CHERP: variants seen among roughly 807,000 people sequenced by gnomAD.
CHERP encodes the protein calcium homeostasis endoplasmic reticulum protein.
In CHERP, 8 loss-of-function variants were observed where a neutral mutation model predicts 113.8. The ratio of observed to expected loss-of-function variants is 0.07; its 90% confidence interval spans 0.04 to 0.13. CHERP has a LOEUF of 0.13. Among genes scored for constraint, CHERP ranks in the 10% least tolerant of loss-of-function variants. The pLI is 1.00. For missense variants in CHERP, 884 were observed against 1,298.2 expected (o/e 0.68, Z 4.90); for synonymous variants, 559 against 524.5 (o/e 1.07, Z -0.90).
chr19:16,519,284 C>G lies in CHERP; in HGVS notation c.2626G>C (p.Val876Leu). 6.2e-7 allele frequency: 1 copy of G among 1,614,044 alleles called. No individual in the cohort carries two copies. Among genetic ancestry groups the G allele is most frequent in the Non-Finnish European group, 8.5e-7 (1 of 1,180,042 alleles). ...TTATACTGGTCCCACTTATCCCGGA[C>G]GTCCCCGCCCTTGATGGGGTCCTGG... The part of the protein sequence containing the change: ...GIQDPIKGGD[V>L]RDKWDQYKGV... Residue 876 changes from valine (V) to leucine (L), a missense_variant, in exon 17 of 17, where the codon GTC (valine) becomes CTC (leucine). Val to Leu is a conservative substitution (Grantham distance 32). Coordinates refer to ENST00000546361, the MANE Select transcript of CHERP (RefSeq NM_006387.6). The surrounding 1 kb of genome is among the most constrained non-coding windows in gnomAD (Gnocchi z 6.0).
intron 1 of CHERP, 104 bp from the exon 2 acceptor site, chr19:16,542,147 G>A (rs543307786): frequency 3.5e-4 from 474 of 1,351,354 alleles, no homozygotes; most frequent in Middle Eastern, 2.4e-3. Context: ...ACCCCAAGGG[G>A]GTGGGCCCCG....
At chr19:16,522,124 C>G (rs2085621379) in intron 11 of CHERP, among the ~76,000 whole-genome samples, 1 of 152,202 alleles carries the variant, frequency 6.6e-6, no homozygotes. Context: ...TGCCTGGGCC[C>G]CCGCCCGCAG....
chr19:16,527,117 C>A (rs753014260), intron 9 of CHERP, among the ~76,000 whole-genome samples: 1 of 152,196 alleles, frequency 6.6e-6, no homozygotes, highest in Non-Finnish European at 1.5e-5. Flanking sequence ...CTAGCGGGCA[C>A]CCTCAGTGAG....
chr19:16,531,222 T>G (rs545851179), intron 5 of CHERP, among the ~76,000 whole-genome samples: 331 of 152,302 alleles, frequency 2.2e-3, no homozygotes, highest in Admixed American at 3.4e-3. Context: ...AGCCCCTGCC[T>G]GTGTATGATG....
Position 16,519,524 on chromosome 19 carries a change from C to G in CHERP, c.2557+97G>C. The G allele has an allele frequency of 1.5e-6, 2 of 1,297,960 alleles. No homozygotes were observed. The allele number at this position is 1,297,960 out of a possible 1,614,324, so 80.4% of individuals were successfully genotyped here. A position where few individuals can be genotyped will look rare whatever the true frequency, so the allele number is the denominator to read the frequency against. On this transcript the variant is annotated intron_variant, in intron 16 of 16. Coordinates refer to ENST00000546361, the MANE Select transcript of CHERP (RefSeq NM_006387.6). The surrounding 1 kb of genome is among the most constrained non-coding windows in gnomAD (Gnocchi z 6.0). ...GAGTCAGAACCGGCCTGACTCCATC[C>G]ATCCCCACATGCACTGAGGAAGAGA...
chr19:16,536,191 CT>C (rs2085740308), intron 2 of CHERP, among the ~76,000 whole-genome samples: 1 of 152,240 alleles, frequency 6.6e-6, no homozygotes, highest in African/African-American at 2.4e-5. Context: ...ACTCTCCTTG[CT>C]TCTCCAGCCC....
intron 8 of CHERP, among the ~76,000 whole-genome samples, chr19:16,529,388 C>A (rs980608639): frequency 2.0e-5 from 3 of 152,198 alleles, no homozygotes; most frequent in African/African-American, 7.2e-5. Flanking sequence ...GGGGAATGAT[C>A]TGGGTACCTT....
At chr19:16,542,139 C>A in intron 1 of CHERP, 96 bp from the exon 2 acceptor site, 1 of 1,404,530 alleles carries the variant, frequency 7.1e-7, no homozygotes, top group Non-Finnish European at 9.5e-7. Context: ...TGCCGGGGAC[C>A]CCAAGGGGGT....
Position 16,532,615 on chromosome 19 carries a change from A to G in CHERP, c.657T>C (p.Asn219=), listed in dbSNP as rs539114352. The G allele has an allele frequency of 3.1e-5, 50 of 1,607,868 alleles. No homozygotes were observed. In the African/African-American group the frequency reaches 3.6e-4, roughly 12 times the overall value. Residue 219 remains asparagine (N), a synonymous_variant, in exon 5 of 17, where the codon AAT becomes AAC. Coordinates refer to ENST00000546361, the MANE Select transcript of CHERP (RefSeq NM_006387.6). This position sits in a 1 kb window ranked among gnomAD's most constrained non-coding sequence, Gnocchi z 4.4. The part of the protein sequence containing the change: ...ELRLHLIYLI[N]DVLHHCQRKQ... ...GCGCTCACCAGTGGTGCAGCACGTCATTGATCAGGTAGATGAGGTGCAGCC... is the reference window on the plus strand; with the variant it reads ...GCGCTCACCAGTGGTGCAGCACGTCGTTGATCAGGTAGATGAGGTGCAGCC...
chr19:16,539,151 T>TC (rs1332115105), intron 2 of CHERP, among the ~76,000 whole-genome samples: 1 of 149,478 alleles, frequency 6.7e-6, no homozygotes, highest in Non-Finnish European at 1.5e-5. Context: ...AAACGGTTTT[T>TC]TTTTTTTTTT....
In CHERP at chr19:16,530,706, G is replaced by C; in HGVS notation, c.787-32C>G. Reference sequence around the variant, plus strand: ...GTGGGAGGAGAGAGAGGCCGGGTCAGTGGGGAGGGGAAAGGCCTGTGTGTC... The same window carrying C: ...GTGGGAGGAGAGAGAGGCCGGGTCACTGGGGAGGGGAAAGGCCTGTGTGTC... On this transcript the variant is annotated intron_variant, in intron 6 of 16. Coordinates refer to ENST00000546361, the MANE Select transcript of CHERP (RefSeq NM_006387.6). This position sits in a 1 kb window ranked among gnomAD's most constrained non-coding sequence, Gnocchi z 4.1. The C allele has an allele frequency of 1.2e-6, 2 of 1,613,980 alleles. No individual in the cohort carries two copies. The highest frequency in any genetic ancestry group is 1.1e-5 in the South Asian group (1 of 91,092).
Position 16,525,459 on chromosome 19 carries a change from G to A in CHERP, c.1524C>T (p.Gly508=), listed in dbSNP as rs1251023821. 6.5e-7 allele frequency: 1 copy of A among 1,547,788 alleles called. No individual in the cohort carries two copies. Among genetic ancestry groups the A allele is most frequent in the Non-Finnish European group, 8.7e-7 (1 of 1,146,598 alleles). The change falls in exon 10 of 17, where the codon GGC becomes GGT. Residue 508 remains glycine, a synonymous_variant. Transcript: ENST00000546361. The surrounding 1 kb of genome is among the most constrained non-coding windows in gnomAD (Gnocchi z 6.5). ...SQHEQPPWGG[G]QREPPFRMQR... is the part of the protein sequence containing the mutation. ...GCATGCGGAAGGGTGGCTCGCGCTGGCCCCCGCCCCAGGGCGGCTGCTCGT... is the reference window on the plus strand; with the variant it reads ...GCATGCGGAAGGGTGGCTCGCGCTGACCCCCGCCCCAGGGCGGCTGCTCGT...
At chr19:16,529,029 G>A (rs908409569) in intron 8 of CHERP, among the ~76,000 whole-genome samples, 1 of 152,186 alleles carries the variant, frequency 6.6e-6, no homozygotes, top group Admixed American at 6.5e-5. Context: ...TTTTTCAGAA[G>A]TGACACTAGA....
At chr19:16,537,338 C>T (rs771217955) in intron 2 of CHERP, among the ~76,000 whole-genome samples, 3 of 152,030 alleles carry the variant, frequency 2.0e-5, no homozygotes, top group Non-Finnish European at 4.4e-5. Flanking sequence ...CTGGGGTGCG[C>T]GGCCTGTGTT....
chr19:16,524,875 C>T (rs1027782607), intron 10 of CHERP, among the ~76,000 whole-genome samples: 3 of 151,866 alleles, frequency 2.0e-5, no homozygotes, highest in Admixed American at 6.6e-5. Flanking sequence ...CATAGGCGCC[C>T]GACACCACGC....
intron 12 of CHERP, chr19:16,521,180 GGAACAC>G (rs2122243669): frequency 1.7e-6 from 1 of 583,790 alleles, no homozygotes; most frequent in East Asian, 2.8e-5. Flanking sequence ...CTGGGAAACA[GGAACAC>G]TGACTCATGG....
At position 16,541,572 on chromosome 19, in the gene CHERP, A is replaced by G. The variant is rs181419847; in HGVS notation, c.199+298T>C. On this transcript the variant is annotated intron_variant, in intron 2 of 16. Transcript: ENST00000546361. ...CTCTATCACTTCCTCCCTAGAAAAC[A>G]CTAAAACAATCACGCTACTCCTGCT... 45 of 325,894 alleles carry G rather than the reference A, an allele frequency of 1.4e-4. No homozygotes were observed. In the East Asian group the frequency reaches 2.7e-3, roughly 19 times the overall value. The allele number at this position is 325,894 out of a possible 1,614,324, so 20.2% of individuals were successfully genotyped here.
chr19:16,521,009 G>A (rs1340225910), intron 12 of CHERP, 97 bp from the exon 13 acceptor site: 2 of 1,048,900 alleles, frequency 1.9e-6, no homozygotes, highest in Non-Finnish European at 2.9e-6. Flanking sequence ...ACCTTGGAGA[G>A]TACATGGCCC....
chr19:16,532,910 G>A lies in CHERP; in HGVS notation c.522+101C>T. 1 of 1,511,770 alleles carries A rather than the reference G, an allele frequency of 6.6e-7. No homozygotes were observed. Among genetic ancestry groups the A allele is most frequent in the Non-Finnish European group, 8.9e-7 (1 of 1,121,920 alleles). 93.6% of individuals were successfully genotyped at this position (1,511,770 alleles called of 1,614,324 possible). A position where few individuals can be genotyped will look rare whatever the true frequency, so the allele number is the denominator to read the frequency against. ...CAGGAGCTCCAGGCGGGAGGGAAGGGCACCCATTGTAACAGCCCTTAGCCC... is the reference window on the plus strand; with the variant it reads ...CAGGAGCTCCAGGCGGGAGGGAAGGACACCCATTGTAACAGCCCTTAGCCC... On this transcript the variant is annotated intron_variant, in intron 4 of 16. Coordinates refer to ENST00000546361, the MANE Select transcript of CHERP (RefSeq NM_006387.6). The surrounding 1 kb of genome is among the most constrained non-coding windows in gnomAD (Gnocchi z 4.4).
Sources: gnomAD v4.1 joint callset for allele counts (sites outside exome capture counted in the v4.1 genomes callset) on GRCh38, gnomAD v4.1.1 for gene constraint, Gnocchi (gnomAD v3.1) non-coding constraint, MANE v1.5 for transcripts, NCBI Gene and HGNC (gene_info 2026-07-23, HGNC 2026-07-21) for gene names.